BRI3BP: variants seen among roughly 807,000 people sequenced by gnomAD.
The protein encoded by BRI3BP is BRI3 binding protein.
Under a neutral mutation model 15.8 loss-of-function variants are expected in BRI3BP, and 7 were observed. That is an observed-to-expected ratio of 0.44 (90% confidence interval 0.25 to 0.83). The LOEUF (loss-of-function observed/expected upper bound fraction) is 0.83. BRI3BP is among the 40% of genes least tolerant of loss of function. BRI3BP has a pLI of 0.20. For missense variants in BRI3BP, 320 were observed against 339.3 expected (o/e 0.94, Z 0.45); for synonymous variants, 192 against 163.5 (o/e 1.17, Z -1.33).
At chr12:125,001,089 C>T (rs544516158) in intron 1 of BRI3BP, among the ~76,000 whole-genome samples, 72 of 134,548 alleles carry the variant, frequency 5.4e-4, no homozygotes, top group African/African-American at 1.7e-3. Flanking sequence ...GAGTCTTGCT[C>T]TGTCACCCAG....
intron 2 of BRI3BP, among the ~76,000 whole-genome samples, chr12:125,017,238 AT>A (rs1227353624): frequency 1.3e-4 from 19 of 150,176 alleles, no homozygotes; most frequent in African/African-American, 4.6e-4. Flanking sequence ...TGGCCAGGGT[AT>A]TCTCGAACTC....
the BRI3BP span, among the ~76,000 whole-genome samples, chr12:125,036,264 C>A: frequency 4.0e-5 from 6 of 151,770 alleles, no homozygotes; most frequent in East Asian, 1.2e-3. Flanking sequence ...GGGGGTTTCA[C>A]CATGTTGGTC....
At chr12:125,015,847 C>G (rs1955237853) in intron 2 of BRI3BP, among the ~76,000 whole-genome samples, 1 of 152,220 alleles carries the variant, frequency 6.6e-6, no homozygotes, top group African/African-American at 2.4e-5. Context: ...CCACTCATGG[C>G]CCCTCCAGGG....
the BRI3BP span, among the ~76,000 whole-genome samples, chr12:125,038,815 G>C: frequency 4.1e-5 from 6 of 147,340 alleles, no homozygotes; most frequent in Non-Finnish European, 7.5e-5. Context: ...TCCAAGGTCA[G>C]GCCTTGGCTC....
At chr12:125,017,792 C>A (rs985092282) in intron 2 of BRI3BP, among the ~76,000 whole-genome samples, 2 of 152,150 alleles carry the variant, frequency 1.3e-5, no homozygotes, top group African/African-American at 4.8e-5. Context: ...AACAAAGTTT[C>A]CAGTAAACTG....
chr12:125,032,859 C>G (rs897192731), downstream of BRI3BP, among the ~76,000 whole-genome samples: 11 of 152,142 alleles, frequency 7.2e-5, no homozygotes, highest in African/African-American at 2.7e-4. Flanking sequence ...AGTGGGTTAT[C>G]GGATGGGGAT....
intron 1 of BRI3BP, among the ~76,000 whole-genome samples, chr12:125,003,675 G>A (rs954905823): frequency 1.3e-5 from 2 of 152,078 alleles, no homozygotes; most frequent in Admixed American, 6.6e-5. Flanking sequence ...AATACCGGCC[G>A]GGCATGGTGG....
intron 1 of BRI3BP, among the ~76,000 whole-genome samples, chr12:125,008,308 T>C: frequency 6.9e-6 from 1 of 145,372 alleles, no homozygotes; most frequent in South Asian, 2.2e-4. Context: ...TCTTTTTTTT[T>C]TTTTTTTTTT....
chr12:125,036,384 TTTA>T, the BRI3BP span, among the ~76,000 whole-genome samples: 1 of 151,108 alleles, frequency 6.6e-6, no homozygotes, highest in Non-Finnish European at 1.5e-5. Flanking sequence ...ATTTTATTTA[TTTA>T]TTATTATTAT....
intron 1 of BRI3BP, among the ~76,000 whole-genome samples, chr12:124,996,169 C>T (rs558965425): frequency 6.6e-5 from 10 of 152,280 alleles, no homozygotes; most frequent in African/African-American, 2.4e-4. Context: ...CCGCCTCGGC[C>T]TTCCAAAGTG....
At chr12:125,005,140 G>A (rs1335803213) in intron 1 of BRI3BP, among the ~76,000 whole-genome samples, 3 of 152,050 alleles carry the variant, frequency 2.0e-5, no homozygotes, top group East Asian at 1.9e-4. Context: ...GAGCCACAGC[G>A]CCCAGCCGGT....
At chr12:124,994,555 C>T (rs1004478132) in intron 1 of BRI3BP, among the ~76,000 whole-genome samples, 1 of 152,168 alleles carries the variant, frequency 6.6e-6, no homozygotes, top group African/African-American at 2.4e-5. Context: ...GGAAACCGAG[C>T]ACCTACTGTG....
intron 1 of BRI3BP, among the ~76,000 whole-genome samples, chr12:125,000,772 A>T (rs1565901761): frequency 6.6e-6 from 1 of 152,202 alleles, no homozygotes; most frequent in Non-Finnish European, 1.5e-5. Context: ...ACATACACAC[A>T]TGCACACACA....
intron 1 of BRI3BP, among the ~76,000 whole-genome samples, chr12:125,008,438 G>A (rs1354845682): frequency 3.5e-4 from 52 of 150,536 alleles, no homozygotes; most frequent in African/African-American, 1.2e-3. Context: ...TCAGCCTCCT[G>A]TGTAGCTGGG....
At chr12:125,009,343 G>A (rs1052282614) in intron 1 of BRI3BP, among the ~76,000 whole-genome samples, 4 of 137,136 alleles carry the variant, frequency 2.9e-5, no homozygotes, top group African/African-American at 1.1e-4. Context: ...AGGCTGGAGT[G>A]CAGTGGCATG....
the BRI3BP span, among the ~76,000 whole-genome samples, chr12:125,039,610 C>A: frequency 6.6e-6 from 1 of 151,844 alleles, no homozygotes; most frequent in Non-Finnish European, 1.5e-5. Flanking sequence ...TATTGCACAC[C>A]CTGTGTGAGT....
intron 1 of BRI3BP, among the ~76,000 whole-genome samples, chr12:125,010,884 A>G (rs1955191207): frequency 6.6e-6 from 1 of 152,118 alleles, no homozygotes; most frequent in Admixed American, 6.5e-5. Flanking sequence ...ACCTGAGGTC[A>G]GGAGTTCAAG....
rs1458138221 is a variant in BRI3BP at position 125,029,088 on chromosome 12, A to G, written c.*3658A>G. On this transcript the variant is annotated 3_prime_UTR_variant, in exon 3 of 3. Coordinates refer to ENST00000341446, the MANE Select transcript of BRI3BP (RefSeq NM_080626.6). ...ATACTTGTTTTACTGAGAACAGAAA[A>G]TAATCCAGAAAAGGAAAAGGACCAG... is the stretch of plus-strand genomic sequence containing the variant. The G allele has an allele frequency of 6.6e-6, 1 of 152,214 alleles. No individual in the cohort carries two copies. Among genetic ancestry groups the G allele is most frequent in the African/African-American group, 2.4e-5 (1 of 41,450 alleles). 9.4% of individuals were successfully genotyped at this position (152,214 alleles called of 1,614,324 possible).
intron 1 of BRI3BP, among the ~76,000 whole-genome samples, chr12:125,011,716 C>G (rs1305320716): frequency 7.7e-6 from 1 of 130,418 alleles, no homozygotes; most frequent in African/African-American, 2.7e-5. Context: ...TACAATATCA[C>G]TAATTTTTTA....
Sources: allele counts gnomAD v4.1 joint callset (sites outside exome capture counted in the v4.1 genomes callset), GRCh38; gene constraint gnomAD v4.1.1; transcripts MANE v1.5; gene names NCBI Gene and HGNC (gene_info 2026-07-23, HGNC 2026-07-21).